The following EPN2 variants were observed in gnomAD, a reference collection of about 807,000 sequenced individuals.
EPN2 encodes the protein epsin 2, also known as epsin-2.
Under a neutral mutation model 61.7 loss-of-function variants are expected in EPN2, and 34 were observed. The observed-to-expected ratio is 0.55, with a 90% CI of 0.42 to 0.73. The LOEUF (loss-of-function observed/expected upper bound fraction) is 0.73. Ranked by LOEUF, EPN2 falls within the 30% of genes least tolerant of loss-of-function variation. The probability of loss-of-function intolerance (pLI) is 0.00; values close to 1 mark genes in which losing one functional copy is unlikely to be tolerated. For missense variants in EPN2, 714 were observed against 839.2 expected (o/e 0.85, Z 1.84); for synonymous variants, 349 against 353.6 (o/e 0.99, Z 0.15).
At chr17:19,250,582 C>T (rs2045004139) in intron 1 of EPN2, among the ~76,000 whole-genome samples, 1 of 152,152 alleles carries the variant, frequency 6.6e-6, no homozygotes, top group Non-Finnish European at 1.5e-5. Context: ...CAAATCAGAA[C>T]ACTTGGCAGC....
At chr17:19,321,065 G>A (rs1906616461) in intron 7 of EPN2, among the ~76,000 whole-genome samples, 1 of 152,230 alleles carries the variant, frequency 6.6e-6, no homozygotes, top group Non-Finnish European at 1.5e-5. Context: ...AGCGGCATGA[G>A]TGCCCTGAGA....
intron 7 of EPN2, among the ~76,000 whole-genome samples, chr17:19,326,797 T>TG: frequency 6.6e-6 from 1 of 151,426 alleles, no homozygotes; most frequent in Non-Finnish European, 1.5e-5. Context: ...CATACCATGC[T>TG]GCGAGGAGTG....
intron 7 of EPN2, among the ~76,000 whole-genome samples, chr17:19,322,384 C>T (rs1432324862): frequency 6.6e-6 from 1 of 152,186 alleles, no homozygotes. Context: ...CTCCTCCTCT[C>T]CCTCCTAGTG....
intron 1 of EPN2, among the ~76,000 whole-genome samples, chr17:19,255,293 T>A (rs1363179210): frequency 6.6e-6 from 1 of 151,936 alleles, no homozygotes; most frequent in Non-Finnish European, 1.5e-5. Flanking sequence ...TTGTGGAGAG[T>A]GTGAATTCTC....
intron 1 of EPN2, among the ~76,000 whole-genome samples, chr17:19,242,728 A>G (rs1317968091): frequency 6.6e-6 from 1 of 152,226 alleles, no homozygotes; most frequent in Non-Finnish European, 1.5e-5. Flanking sequence ...GGGACTCCCC[A>G]TCTTCTCTTC....
chr17:19,242,003 G>A (rs1215642863), intron 1 of EPN2, among the ~76,000 whole-genome samples: 1 of 152,122 alleles, frequency 6.6e-6, no homozygotes, highest in Non-Finnish European at 1.5e-5. Context: ...TATTTAGAAG[G>A]TTGGGAATTG....
intron 1 of EPN2, among the ~76,000 whole-genome samples, chr17:19,255,560 GT>G (rs56823339): frequency 0.27 from 25,216 of 92,128 alleles, 5,784 homozygotes; most frequent in African/African-American, 0.7. Context: ...TCTGGGGAGA[GT>G]TTTTTTTTTT....
At position 19,298,659 on chromosome 17, in the gene EPN2, C is replaced by T. The variant is rs534858243; in HGVS notation, c.767-11226C>T. Among the ~76,000 whole-genome samples the T allele has an allele frequency of 1.2e-4, 18 of 152,292 alleles. No homozygotes were observed. In the South Asian group the frequency reaches 3.5e-3, roughly 30 times the overall value. Reference sequence around the variant, plus strand: ...GCTTGGGACTACAGACACCCGCTACCGAGCCCAGCAACACTTAGTTTTAAA... The same window carrying T: ...GCTTGGGACTACAGACACCCGCTACTGAGCCCAGCAACACTTAGTTTTAAA... On this transcript the variant is annotated intron_variant, in intron 4 of 10. Transcript: ENST00000314728.
At chr17:19,249,038 A>G (rs1156385870) in intron 1 of EPN2, among the ~76,000 whole-genome samples, 1 of 152,248 alleles carries the variant, frequency 6.6e-6, no homozygotes, top group Non-Finnish European at 1.5e-5. Context: ...GACATGTGGC[A>G]GAGGCCCAGC....
At chr17:19,275,665 C>T (rs2045298801) in intron 1 of EPN2, among the ~76,000 whole-genome samples, 1 of 152,160 alleles carries the variant, frequency 6.6e-6, no homozygotes, top group African/African-American at 2.4e-5. Context: ...AGTCCTGGGC[C>T]TACTCCTGGC....
Position 19,283,115 on chromosome 17 carries a change from TA to T in EPN2, c.1del, listed in dbSNP as rs1403483879. On this transcript the variant is annotated 5_prime_UTR_variant, in exon 3 of 11. Coordinates refer to ENST00000314728, the MANE Select transcript of EPN2 (RefSeq NM_014964.5). This position sits in a 1 kb window ranked among gnomAD's most constrained non-coding sequence, Gnocchi z 7.0. ...GGCTTTAAACTTATAACAAAGAAAATAAAAATGACGACTTCGTCTATCAGAC... is the reference window on the plus strand; with the variant it reads ...GGCTTTAAACTTATAACAAAGAAAATAAAATGACGACTTCGTCTATCAGAC... 3.1e-6 allele frequency: 5 copies of T among 1,600,334 alleles called. No individual in the cohort carries two copies. Among genetic ancestry groups the T allele is most frequent in the Non-Finnish European group, 3.4e-6 (4 of 1,172,912 alleles).
chr17:19,245,864 C>T (rs142012616), intron 1 of EPN2, among the ~76,000 whole-genome samples: 35 of 152,016 alleles, frequency 2.3e-4, no homozygotes, highest in African/African-American at 8.0e-4. Context: ...CAGGTTTTAC[C>T]ATGTTGGCCA....
intron 1 of EPN2, among the ~76,000 whole-genome samples, chr17:19,250,836 G>T (rs973313436): frequency 4.0e-5 from 6 of 149,870 alleles, no homozygotes; most frequent in African/African-American, 1.2e-4. Flanking sequence ...CCTGCTACTT[G>T]CCCCCCTGCA....
At chr17:19,273,421 T>A (rs2045275374) in intron 1 of EPN2, 1 of 152,204 alleles carries the variant, frequency 6.6e-6, no homozygotes, top group South Asian at 2.1e-4. Context: ...TGCTCTACTG[T>A]CTAGAAGTCA....
chr17:19,289,549 G>A (rs1217401755), intron 4 of EPN2, among the ~76,000 whole-genome samples: 1 of 151,888 alleles, frequency 6.6e-6, no homozygotes, highest in Non-Finnish European at 1.5e-5. Context: ...TTAGTGGAGG[G>A]GTTGAGTTCA....
At chr17:19,296,673 A>G (rs1015261505) in intron 4 of EPN2, 4 of 152,178 alleles carry the variant, frequency 2.6e-5, no homozygotes, top group African/African-American at 9.7e-5. Context: ...TTGTGGCACA[A>G]TCATGGCCCA....
At chr17:19,275,498 C>T (rs1318276657) in intron 1 of EPN2, among the ~76,000 whole-genome samples, 4 of 152,186 alleles carry the variant, frequency 2.6e-5, no homozygotes, top group Non-Finnish European at 4.4e-5. Context: ...GACTCTGCCC[C>T]TGTGGTGTGT....
chr17:19,332,438 C>G (rs1907206126), intron 10 of EPN2, among the ~76,000 whole-genome samples: 1 of 152,112 alleles, frequency 6.6e-6, no homozygotes, highest in African/African-American at 2.4e-5. Context: ...TAGCATTCCT[C>G]TCTCGGGAAA....
chr17:19,295,366 A>ACACACACACACGCGCGCG (rs147719775), intron 4 of EPN2, among the ~76,000 whole-genome samples: 1 of 140,318 alleles, frequency 7.1e-6, no homozygotes, highest in Non-Finnish European at 1.5e-5. Context: ...ACACACACAC[A>ACACACACACACGCGCGCG]CGCGCGTGCG....
Sources: allele counts gnomAD v4.1 joint callset (sites outside exome capture counted in the v4.1 genomes callset), GRCh38; gene constraint gnomAD v4.1.1; non-coding constraint Gnocchi (gnomAD v3.1); transcripts MANE v1.5; gene names NCBI Gene and HGNC (gene_info 2026-07-23, HGNC 2026-07-21).